The following GLB1 variants were observed in gnomAD, a reference collection of about 807,000 sequenced individuals.
GLB1 encodes the protein galactosidase beta 1.
A neutral mutation model predicts 74.0 loss-of-function variants in GLB1; 56 were observed. That is an observed-to-expected ratio of 0.76 (90% CI 0.61 to 0.94). The LOEUF (loss-of-function observed/expected upper bound fraction) is 0.94. GLB1 is among the 40% of genes least tolerant of loss of function. GLB1 has a pLI of 0.00. For synonymous variants in GLB1, 323 were observed against 323.6 expected (o/e 1.00, Z 0.02); for missense variants, 787 against 845.5 (o/e 0.93, Z 0.86).
intron 1 of GLB1, chr3:33,092,826 G>C: frequency 6.3e-7 from 1 of 1,589,292 alleles, no homozygotes; most frequent in Non-Finnish European, 8.6e-7. Context: ...GCACAGGGCA[G>C]GGCCAGTTCA....
the GLB1 span, among the ~76,000 whole-genome samples, chr3:32,978,910 C>A: frequency 6.7e-6 from 1 of 149,972 alleles, no homozygotes; most frequent in African/African-American, 2.4e-5. Flanking sequence ...CAGGGGCCCA[C>A]CACCACACCC....
rs774393146 is a variant in GLB1 at position 33,097,121 on chromosome 3, G to C, written c.-36C>G. The C allele has an allele frequency of 6.8e-6, 11 of 1,608,574 alleles. No homozygotes were observed. Among genetic ancestry groups the C allele is most frequent in the Non-Finnish European group, 8.5e-6 (10 of 1,177,274 alleles). On this transcript the variant is annotated 5_prime_UTR_variant, in exon 1 of 16. Coordinates refer to ENST00000307363, the MANE Select transcript of GLB1 (RefSeq NM_000404.4). ...CTCCCGGCTCTGCAGTCGGCGCCCA[G>C]GCCGGCCGCTTCGCGTCACTTGACT...
chr3:32,965,228 A>G, the GLB1 span, among the ~76,000 whole-genome samples: 1 of 152,188 alleles, frequency 6.6e-6, no homozygotes, highest in Non-Finnish European at 1.5e-5. Context: ...AACAGTTTGG[A>G]GGGCTCAGAA....
At chr3:33,082,241 CAG>C (rs145968358) in intron 1 of GLB1, among the ~76,000 whole-genome samples, 4,370 of 151,932 alleles carry the variant, frequency 0.029, 134 homozygotes, top group East Asian at 0.092. Flanking sequence ...GTCCTTTTCA[CAG>C]AGAGTCCAAC....
chr3:33,038,362 T>G (rs9865921), intron 10 of GLB1, among the ~76,000 whole-genome samples: 16,267 of 152,262 alleles, frequency 0.11, 1,079 homozygotes, highest in East Asian at 0.31. Flanking sequence ...CACCTTTGTG[T>G]ATAGCAAATT....
At chr3:33,031,640 A>AATATATATATATATATATATAT (rs59839075) in intron 10 of GLB1, among the ~76,000 whole-genome samples, 3 of 35,774 alleles carry the variant, frequency 8.4e-5, no homozygotes, top group Non-Finnish European at 1.5e-4. Context: ...AAAAAAAAAA[A>AATATATATATATATATATATAT]ATATATATAT....
rs777944619 is a variant in GLB1, at chr3:33,068,306, C to T, written c.397-16G>A. ...GTAATCCTCCCTAGTTCAGGGAAAACAAGCCATTATAATGTCTGTTCCGTG... is the reference window on the plus strand; with the variant it reads ...GTAATCCTCCCTAGTTCAGGGAAAATAAGCCATTATAATGTCTGTTCCGTG... On this transcript the variant is annotated splice_polypyrimidine_tract_variant and intron_variant, in intron 3 of 15. Transcript: ENST00000307363. 8.1e-6 allele frequency: 13 copies of T among 1,613,036 alleles called. No homozygotes were observed. In the Admixed American group the frequency reaches 2.2e-4, roughly 27 times the overall value.
At chr3:32,965,244 C>T in the GLB1 span, among the ~76,000 whole-genome samples, 8 of 152,218 alleles carry the variant, frequency 5.3e-5, no homozygotes, top group South Asian at 4.1e-4. Context: ...CAGAAGAAGA[C>T]AGGAAGATGT....
chr3:33,062,036 C>T (rs553324486), intron 5 of GLB1, among the ~76,000 whole-genome samples: 3 of 152,310 alleles, frequency 2.0e-5, no homozygotes, highest in Admixed American at 1.3e-4. Flanking sequence ...GCTGCAAACA[C>T]GTAGCTCCTC....
At chr3:33,017,984 C>T (rs934954598) in intron 13 of GLB1, among the ~76,000 whole-genome samples, 53 of 152,148 alleles carry the variant, frequency 3.5e-4, no homozygotes, top group African/African-American at 1.0e-3. Flanking sequence ...AGCTAAGGGT[C>T]ACCAAGAAGA....
intron 1 of GLB1, chr3:33,092,746 C>A: frequency 3.3e-6 from 5 of 1,512,318 alleles, no homozygotes; most frequent in Non-Finnish European, 4.4e-6. Context: ...GTGGGCAAGG[C>A]TGGAGGGGAA....
intron 9 of GLB1, among the ~76,000 whole-genome samples, chr3:33,048,734 G>T (rs929193997): frequency 6.6e-6 from 1 of 152,174 alleles, no homozygotes; most frequent in East Asian, 1.9e-4. Context: ...TGTGGGGGCT[G>T]GCTCAGGGGC....
chr3:33,076,360 C>G (rs550927633), intron 1 of GLB1, among the ~76,000 whole-genome samples: 2 of 152,274 alleles, frequency 1.3e-5, no homozygotes, highest in South Asian at 4.1e-4. Flanking sequence ...AGGGCCAGAT[C>G]GAATGAGCCC....
At chr3:33,005,851 C>T (rs1696767650) in intron 15 of GLB1, among the ~76,000 whole-genome samples, 1 of 151,344 alleles carries the variant, frequency 6.6e-6, no homozygotes. Context: ...TTCTTTCAAC[C>T]GTTTATCATA....
intron 1 of GLB1, among the ~76,000 whole-genome samples, chr3:33,073,279 G>A (rs1699954450): frequency 6.6e-6 from 1 of 152,112 alleles, no homozygotes; most frequent in Non-Finnish European, 1.5e-5. Flanking sequence ...TAACTATCCA[G>A]GGTATTAGAC....
At chr3:32,978,946 T>C in the GLB1 span, among the ~76,000 whole-genome samples, 1 of 142,160 alleles carries the variant, frequency 7.0e-6, no homozygotes, top group African/African-American at 2.6e-5. Context: ...TTTTTTTGTA[T>C]TTTTAGTAGA....
chr3:33,094,315 A>G (rs1700911321), intron 1 of GLB1: 2 of 1,478,094 alleles, frequency 1.4e-6, no homozygotes, highest in Non-Finnish European at 9.0e-7. Flanking sequence ...TGCAACCAGG[A>G]ACCAGCATCA....
At chr3:32,962,907 C>T in the GLB1 span, among the ~76,000 whole-genome samples, 3 of 152,028 alleles carry the variant, frequency 2.0e-5, no homozygotes, top group African/African-American at 7.2e-5. Context: ...TTCTTCAAGA[C>T]ATATTAATAG....
chr3:33,019,638 G>A (rs545659334), intron 12 of GLB1, among the ~76,000 whole-genome samples: 1 of 152,250 alleles, frequency 6.6e-6, no homozygotes, highest in African/African-American at 2.4e-5. Context: ...ACCTTCTAGC[G>A]CAAGAACACC....
Sources: gnomAD v4.1 joint callset for allele counts (sites outside exome capture counted in the v4.1 genomes callset) on GRCh38, gnomAD v4.1.1 for gene constraint, MANE v1.5 for transcripts, NCBI Gene and HGNC (gene_info 2026-07-23, HGNC 2026-07-21) for gene names.